The following FAM81A variants were observed in gnomAD, a reference collection of about 807,000 sequenced individuals.
FAM81A encodes family with sequence similarity 81 member A.
A neutral mutation model predicts 46.7 loss-of-function variants in FAM81A; 19 were observed. The ratio of observed to expected loss-of-function variants is 0.41; its 90% CI spans 0.28 to 0.60. The LOEUF is 0.60. FAM81A is among the 20% of genes least tolerant of loss of function. The probability of loss-of-function intolerance (pLI) is 0.34; values close to 1 mark genes in which losing one functional copy is unlikely to be tolerated. For synonymous variants in FAM81A, 183 were observed against 152.9 expected, an observed-to-expected ratio of 1.20 and a Z score of -1.45; for missense variants, 377 against 453.5, an observed-to-expected ratio of 0.83 and a Z score of 1.53.
intron 3 of FAM81A, among the ~76,000 whole-genome samples, 179 bp from the exon 4 acceptor site, chr15:59,492,092 G>A (rs1441764617): frequency 2.0e-5 from 3 of 152,196 alleles, no homozygotes; most frequent in African/African-American, 7.2e-5. Context: ...AGCCTCTAAG[G>A]TCTCTCTCTG....
At chr15:59,469,154 T>C (rs1460809864) in intron 3 of FAM81A, among the ~76,000 whole-genome samples, 1 of 152,178 alleles carries the variant, frequency 6.6e-6, no homozygotes. Context: ...TTAGAATAAG[T>C]GTGATGTGGT....
intron 1 of FAM81A, among the ~76,000 whole-genome samples, chr15:59,441,553 C>G (rs1392491388): frequency 6.6e-6 from 1 of 152,226 alleles, no homozygotes; most frequent in African/African-American, 2.4e-5. Flanking sequence ...AGGTTCTCTT[C>G]TTTGTCCACT....
chr15:59,412,005 A>AC (rs1351998729), intron 2 of FAM81A, among the ~76,000 whole-genome samples: 1 of 151,918 alleles, frequency 6.6e-6, no homozygotes, highest in Non-Finnish European at 1.5e-5. Context: ...CAAAAAAAAA[A>AC]AACGGGGGAT....
At chr15:59,461,396 C>T (rs888855994) in intron 3 of FAM81A, among the ~76,000 whole-genome samples, 31 of 152,322 alleles carry the variant, frequency 2.0e-4, no homozygotes, top group African/African-American at 7.2e-4. Context: ...ACCGATCCTC[C>T]TGCATCGGCG....
At chr15:59,457,449 T>C (rs1459963126) in intron 1 of FAM81A, among the ~76,000 whole-genome samples, 3 of 152,230 alleles carry the variant, frequency 2.0e-5, no homozygotes, top group Non-Finnish European at 4.4e-5. Context: ...GCCTAATTTA[T>C]GAATTAAACT....
chr15:59,461,537 G>A (rs1294389406), intron 3 of FAM81A, among the ~76,000 whole-genome samples: 2 of 152,112 alleles, frequency 1.3e-5, no homozygotes, highest in African/African-American at 4.8e-5. Flanking sequence ...CCCAGACAGG[G>A]CTTGAACTCC....
At chr15:59,456,873 G>A (rs1421444359) in intron 1 of FAM81A, among the ~76,000 whole-genome samples, 1 of 152,208 alleles carries the variant, frequency 6.6e-6, no homozygotes, top group Non-Finnish European at 1.5e-5. Flanking sequence ...ACAGGCATGA[G>A]CCACAACCCA....
At chr15:59,467,032 TTTCTGAGGCCTCTG>T (rs879557498) in intron 3 of FAM81A, among the ~76,000 whole-genome samples, 88 of 152,346 alleles carry the variant, frequency 5.8e-4, no homozygotes, top group Middle Eastern at 3.4e-3. Flanking sequence ...TGTGGTATTA[TTTCTGAGGCCTCTG>T]TTCTGTTCCA....
At chr15:59,451,355 C>T (rs1057502113) in intron 1 of FAM81A, among the ~76,000 whole-genome samples, 5 of 152,152 alleles carry the variant, frequency 3.3e-5, no homozygotes, top group Middle Eastern at 6.3e-3. Flanking sequence ...ATTATCTTTA[C>T]GGCTAATGTC....
At chr15:59,489,546 G>GA (rs1397816466) in intron 3 of FAM81A, among the ~76,000 whole-genome samples, 25 of 148,680 alleles carry the variant, frequency 1.7e-4, no homozygotes, top group Admixed American at 5.4e-4. Context: ...CACAGAAATA[G>GA]AAAAAAAAAA....
intron 3 of FAM81A, among the ~76,000 whole-genome samples, chr15:59,461,597 A>G (rs1366387862): frequency 6.6e-6 from 1 of 152,220 alleles, no homozygotes; most frequent in Non-Finnish European, 1.5e-5. Flanking sequence ...CTGGGATTAC[A>G]GATGTGAGCC....
intron 8 of FAM81A, among the ~76,000 whole-genome samples, chr15:59,519,946 C>T (rs964456858): frequency 2.0e-5 from 3 of 152,062 alleles, no homozygotes; most frequent in African/African-American, 7.2e-5. Context: ...ATTGCTGGGT[C>T]GTATGGTAGT....
intron 2 of FAM81A, among the ~76,000 whole-genome samples, chr15:59,412,614 C>A (rs1297210302): frequency 1.3e-5 from 2 of 151,886 alleles, no homozygotes; most frequent in Non-Finnish European, 2.9e-5. Flanking sequence ...GTAGTCCCAG[C>A]TATTCTGGAG....
At chr15:59,472,950 C>T (rs1376691404) in intron 3 of FAM81A, among the ~76,000 whole-genome samples, 4 of 152,074 alleles carry the variant, frequency 2.6e-5, no homozygotes, top group African/African-American at 7.2e-5. Flanking sequence ...AGTTTTATCC[C>T]AGACGCTAAA....
At chr15:59,496,246 A>G (rs551661981) in intron 4 of FAM81A, among the ~76,000 whole-genome samples, 1 of 152,320 alleles carries the variant, frequency 6.6e-6, no homozygotes, top group East Asian at 1.9e-4. Flanking sequence ...ATATCTATTT[A>G]TCCCAGCATA....
intron 7 of FAM81A, among the ~76,000 whole-genome samples, chr15:59,515,626 T>C (rs2082258645): frequency 6.6e-6 from 1 of 152,178 alleles, no homozygotes; most frequent in Non-Finnish European, 1.5e-5. Context: ...AAAGACTTAA[T>C]TTTCATATAT....
Position 59,522,202 on chromosome 15 carries a change from A to G in FAM81A, c.*824A>G, listed in dbSNP as rs2082334829. 1 of 152,736 alleles carries G rather than the reference A, an allele frequency of 6.5e-6. No homozygotes were observed. Among genetic ancestry groups the G allele is most frequent in the Non-Finnish European group, 1.5e-5 (1 of 68,026 alleles). 9.5% of individuals were successfully genotyped at this position (152,736 alleles called of 1,614,324 possible). A position where few individuals can be genotyped will look rare whatever the true frequency, so the allele number is the denominator to read the frequency against. On this transcript the variant is annotated 3_prime_UTR_variant, in exon 9 of 9. Coordinates refer to ENST00000288228, the MANE Select transcript of FAM81A (RefSeq NM_152450.3). ...TTCACTAATCAAATAGAATGTGGTAATTTTTCAGACTTTATGATCTGTTTC... is the reference window on the plus strand; with the variant it reads ...TTCACTAATCAAATAGAATGTGGTAGTTTTTCAGACTTTATGATCTGTTTC...
chr15:59,416,218 G>C (rs2081146125), intron 2 of FAM81A, among the ~76,000 whole-genome samples: 1 of 152,194 alleles, frequency 6.6e-6, no homozygotes, highest in Non-Finnish European at 1.5e-5. Context: ...GGACAGGAAA[G>C]GAAAACACAG....
At chr15:59,494,036 T>C (rs2082008961) in intron 4 of FAM81A, among the ~76,000 whole-genome samples, 1 of 152,188 alleles carries the variant, frequency 6.6e-6, no homozygotes, top group African/African-American at 2.4e-5. Flanking sequence ...CTCACTCTGC[T>C]ACCTTTACTA....
Sources: gnomAD v4.1 joint callset for allele counts (sites outside exome capture counted in the v4.1 genomes callset) on GRCh38, gnomAD v4.1.1 for gene constraint, MANE v1.5 for transcripts, NCBI Gene and HGNC (gene_info 2026-07-23, HGNC 2026-07-21) for gene names.